The following RSPO2 variants were observed in gnomAD, a reference collection of about 807,000 sequenced individuals.
The protein encoded by RSPO2 is R-spondin 2.
A neutral mutation model predicts 30.9 loss-of-function variants in RSPO2; 14 were observed. That is an observed-to-expected ratio of 0.45 (90% CI 0.30 to 0.71). The LOEUF (loss-of-function observed/expected upper bound fraction) is 0.71, where lower values mean the gene tolerates loss of function less well. Ranked by LOEUF, RSPO2 falls within the 30% of genes least tolerant of loss-of-function variation. RSPO2 has a pLI of 0.08. For missense variants in RSPO2, 264 were observed against 301.9 expected (o/e 0.87, Z 0.93); for synonymous variants, 107 against 96.4 (o/e 1.11, Z -0.64).
intron 5 of RSPO2, among the ~76,000 whole-genome samples, chr8:107,909,278 TTTG>T (rs1811748683): frequency 6.6e-6 from 1 of 150,590 alleles, no homozygotes; most frequent in Admixed American, 6.6e-5. Flanking sequence ...TTTTTTTTTT[TTTG>T]AGATGGAGTC....
rs547169404 is a variant in RSPO2, at chr8:107,933,314, A to G, written c.616+24766T>C. On this transcript the variant is annotated intron_variant, in intron 5 of 5. Coordinates refer to ENST00000276659, the MANE Select transcript of RSPO2 (RefSeq NM_178565.5). ...CCTGCTATAAAAGTAAAAGAACACA[A>G]AAATAGTCAACTTTTGAAAAGTAAC... Among the ~76,000 whole-genome samples, 4 of 152,338 alleles carry G rather than the reference A, an allele frequency of 2.6e-5. No individual in the cohort carries two copies. In the South Asian group the frequency reaches 8.3e-4, roughly 32 times the overall value.
intron 5 of RSPO2, among the ~76,000 whole-genome samples, chr8:107,943,071 G>C (rs1242672602): frequency 2.0e-5 from 3 of 152,222 alleles, no homozygotes; most frequent in Non-Finnish European, 4.4e-5. Flanking sequence ...TTAAGCAGCA[G>C]GGAAATAAAC....
At position 108,062,992 on chromosome 8, in the gene RSPO2, T is replaced by C. The variant is rs550723516; in HGVS notation, c.94+19553A>G. On this transcript the variant is annotated intron_variant, in intron 2 of 5. Coordinates refer to ENST00000276659, the MANE Select transcript of RSPO2 (RefSeq NM_178565.5). ...GACAAAATTCAACTGCCCTTCATGC[T>C]AAAAACTCTCAATAAATTAGGTATT... Among the ~76,000 whole-genome samples the C allele has an allele frequency of 3.3e-5, 5 of 151,996 alleles. 1 individual carries two copies. Among genetic ancestry groups the C allele is most frequent in the African/African-American group, 1.2e-4 (5 of 41,264 alleles).
At chr8:108,003,307 ATATATTTTTTTTTTT>A (rs1186882721) in intron 2 of RSPO2, among the ~76,000 whole-genome samples, 266 of 21,758 alleles carry the variant, frequency 0.012, 1 homozygote, top group African/African-American at 0.038. Flanking sequence ...ATATATATAT[ATATATTTTTTTTTTT>A]TTTTTTTTTT....
chr8:107,946,132 T>G (rs1047215219), intron 5 of RSPO2, among the ~76,000 whole-genome samples: 3 of 152,220 alleles, frequency 2.0e-5, no homozygotes, highest in African/African-American at 7.2e-5. Flanking sequence ...ACTCACACTT[T>G]GTGATCCTTC....
chr8:107,994,249 T>G (rs1814941481), intron 2 of RSPO2, among the ~76,000 whole-genome samples: 1 of 152,158 alleles, frequency 6.6e-6, no homozygotes, highest in African/African-American at 2.4e-5. Flanking sequence ...TATGCATAAT[T>G]TACAAGTAAA....
chr8:107,990,044 A>G (rs571006200), intron 2 of RSPO2, among the ~76,000 whole-genome samples: 1 of 152,206 alleles, frequency 6.6e-6, no homozygotes, highest in Non-Finnish European at 1.5e-5. Context: ...TTTAAAATGA[A>G]TATCTACAGA....
chr8:108,003,243 ATGTATGTATG>A lies in RSPO2; in HGVS notation c.95-14009_95-14000del, dbSNP rs1388505592. On this transcript the variant is annotated intron_variant, in intron 2 of 5. Transcript: ENST00000276659. ...ATTTTGTATGTGTGTGTATATATGTATGTATGTATGTGTGTGTGTGTGTGTGTGTGTGTGT... is the reference window on the plus strand; with the variant it reads ...ATTTTGTATGTGTGTGTATATATGTATGTGTGTGTGTGTGTGTGTGTGTGT... Among the ~76,000 whole-genome samples the A allele has an allele frequency of 2.4e-3, 129 of 54,394 alleles. 3 individuals are homozygous for A. Among genetic ancestry groups the A allele is most frequent in the African/African-American group, 0.012 (114 of 9,156 alleles). 35.7% of individuals were successfully genotyped at this position (54,394 alleles called of 152,430 possible).
intron 2 of RSPO2, among the ~76,000 whole-genome samples, chr8:108,050,305 A>G (rs1403389611): frequency 6.6e-6 from 1 of 152,208 alleles, no homozygotes. Context: ...GATTTGAGGT[A>G]TGGATCGGTT....
chr8:107,983,271 G>C, intron 3 of RSPO2: 1 of 1,594,520 alleles, frequency 6.3e-7, no homozygotes, highest in Non-Finnish European at 8.5e-7. Context: ...AGTCTGAGCA[G>C]GCTCATCTTT....
At position 108,082,403 on chromosome 8, in the gene RSPO2, A is replaced by T. The variant is rs1185978664; in HGVS notation, c.94+142T>A. On this transcript the variant is annotated intron_variant, in intron 2 of 5. Coordinates refer to ENST00000276659, the MANE Select transcript of RSPO2 (RefSeq NM_178565.5). The stretch of plus-strand genomic sequence containing the variant: ...TGTTTTGTAGAGCTCCAGGGTCCTA[A>T]AGGTGGGGACTGGGGACCCGCAAAA... The T allele has an allele frequency of 6.3e-6, 4 of 635,616 alleles. No homozygotes were observed. The South Asian group carries it at 7.7e-5, about 12-fold the overall frequency. 39.4% of individuals were successfully genotyped at this position (635,616 alleles called of 1,614,324 possible).
chr8:107,965,091 G>C (rs1290257575), intron 3 of RSPO2, among the ~76,000 whole-genome samples: 1 of 151,942 alleles, frequency 6.6e-6, no homozygotes, highest in Non-Finnish European at 1.5e-5. Context: ...CTACATAATA[G>C]GTATATTAAA....
chr8:107,916,251 T>C (rs975627050), intron 5 of RSPO2, among the ~76,000 whole-genome samples: 3 of 152,200 alleles, frequency 2.0e-5, no homozygotes. Context: ...TGCTTTGTCA[T>C]AAACTGCCTC....
chr8:108,077,955 A>T (rs564790134), intron 2 of RSPO2, among the ~76,000 whole-genome samples: 13 of 152,228 alleles, frequency 8.5e-5, no homozygotes, highest in South Asian at 2.1e-4. Flanking sequence ...TGGACTTGGG[A>T]TGGATAAGGA....
chr8:107,908,715 C>G (rs1811730505), intron 5 of RSPO2, among the ~76,000 whole-genome samples: 1 of 151,948 alleles, frequency 6.6e-6, no homozygotes, highest in South Asian at 2.1e-4. Flanking sequence ...AAGTACTGCA[C>G]AAGGTAAAAA....
At chr8:107,992,903 C>T (rs1266871795) in intron 2 of RSPO2, among the ~76,000 whole-genome samples, 1 of 151,280 alleles carries the variant, frequency 6.6e-6, no homozygotes, top group Non-Finnish European at 1.5e-5. Context: ...AAAGTAAAGG[C>T]AAATATCTTA....
intron 5 of RSPO2, among the ~76,000 whole-genome samples, chr8:107,915,311 T>C (rs981336558): frequency 7.9e-5 from 12 of 152,206 alleles, no homozygotes; most frequent in Admixed American, 2.6e-4. Context: ...TAGCTCTATT[T>C]TGGGGTGTCT....
chr8:107,998,209 C>A (rs1038372859), intron 2 of RSPO2, among the ~76,000 whole-genome samples: 15 of 151,026 alleles, frequency 9.9e-5, no homozygotes, highest in Admixed American at 7.9e-4. Context: ...AAAAAAAAAA[C>A]CCATAGAAGG....
intron 3 of RSPO2, chr8:107,983,225 C>T (rs753122989): frequency 3.8e-6 from 6 of 1,577,898 alleles, no homozygotes; most frequent in Non-Finnish European, 5.2e-6. Flanking sequence ...CACAAAAAGG[C>T]TGCAGCGTAT....
Sources: allele counts gnomAD v4.1 joint callset (sites outside exome capture counted in the v4.1 genomes callset), GRCh38; gene constraint gnomAD v4.1.1; transcripts MANE v1.5; gene names NCBI Gene and HGNC (gene_info 2026-07-23, HGNC 2026-07-21).